Variants in DLG5 observed in about 807,000 individuals in gnomAD.
DLG5 encodes the protein disks large homolog 5.
DLG5 carries 48 observed loss-of-function variants against 189.8 expected under a neutral mutation model. The ratio of observed to expected loss-of-function variants is 0.25; its 90% CI spans 0.20 to 0.32. The LOEUF is 0.32. Ranked by LOEUF, DLG5 falls within the 10% of genes least tolerant of loss-of-function variation. DLG5 has a pLI of 1.00. For missense variants in DLG5, 2,160 were observed against 2,544.7 expected (o/e 0.85, Z 3.25); for synonymous variants, 1,016 against 1,054.1 (o/e 0.96, Z 0.70).
At chr10:77,843,182 G>A (rs776935982) in intron 6 of DLG5, among the ~76,000 whole-genome samples, 1 of 151,400 alleles carries the variant, frequency 6.6e-6, no homozygotes, top group Non-Finnish European at 1.5e-5. Flanking sequence ...CAGCAGACCC[G>A]AGATTTCTAC....
rs142216145 is a variant in DLG5, at chr10:77,906,160, C to T, written c.304+20057G>A. Among the ~76,000 whole-genome samples the T allele has an allele frequency of 3.5e-3, 534 of 152,330 alleles. 2 individuals are homozygous for T. Among genetic ancestry groups the T allele is most frequent in the South Asian group, 0.018 (89 of 4,830 alleles). On this transcript the variant is annotated intron_variant, in intron 1 of 31. Coordinates refer to ENST00000372391, the MANE Select transcript of DLG5 (RefSeq NM_004747.4). Reference sequence around the variant, plus strand: ...CATGAGAACCTGGGGAACTGACACCCATGGGAGGGGCTTCTGGGTCAGGGC... The same window carrying T: ...CATGAGAACCTGGGGAACTGACACCTATGGGAGGGGCTTCTGGGTCAGGGC...
At chr10:77,852,192 G>C (rs1187134319) in intron 5 of DLG5, among the ~76,000 whole-genome samples, 1 of 152,054 alleles carries the variant, frequency 6.6e-6, no homozygotes, top group African/African-American at 2.4e-5. Context: ...ACAACATGGT[G>C]AAACCCTCTC....
intron 1 of DLG5, among the ~76,000 whole-genome samples, chr10:77,876,708 AG>A (rs1564569706): frequency 1.6e-3 from 46 of 28,828 alleles, no homozygotes; most frequent in African/African-American, 3.7e-3. Context: ...GAAGGAAGGA[AG>A]GGAGGGAGGG....
At chr10:77,827,295 G>A (rs970900143) in intron 13 of DLG5, among the ~76,000 whole-genome samples, 18 of 152,018 alleles carry the variant, frequency 1.2e-4, no homozygotes, top group African/African-American at 4.3e-4. Context: ...GCGCGATCTC[G>A]GCTCACTGCA....
intron 13 of DLG5, 96 bp downstream of exon 13, chr10:77,828,786 A>G: frequency 8.4e-7 from 1 of 1,195,106 alleles, no homozygotes. Context: ...CAACAAGGAA[A>G]ATATAAAAAC....
Position 77,811,232 on chromosome 10 carries a change from G to T in DLG5, c.4325C>A (p.Ser1442Ter). Reference sequence around the variant, plus strand: ...GTGGGTACCGGCAGGGTCCAGGTGTGAGCTGGAGGCGGAGGACAGGAGGGA... The same window carrying T: ...GTGGGTACCGGCAGGGTCCAGGTGTTAGCTGGAGGCGGAGGACAGGAGGGA... ...HQLSSHSRSS[S>*]HLDPAGTHST... The change falls in exon 23 of 32, where the codon TCA becomes TAA. Residue 1442 changes from serine to a stop codon, truncating the protein, a stop_gained and splice_region_variant. Coordinates refer to ENST00000372391, the MANE Select transcript of DLG5 (RefSeq NM_004747.4). LOFTEE classifies it high-confidence loss of function. The T allele has an allele frequency of 6.2e-7, 1 of 1,612,718 alleles. No homozygotes were observed. Among genetic ancestry groups the T allele is most frequent in the Non-Finnish European group, 8.5e-7 (1 of 1,179,702 alleles).
intron 1 of DLG5, among the ~76,000 whole-genome samples, chr10:77,902,481 G>GA (rs1441987226): frequency 1.3e-5 from 2 of 152,278 alleles, no homozygotes; most frequent in Middle Eastern, 3.4e-3. Context: ...TGTAAGTACA[G>GA]AAAAAATGGG....
At position 77,805,727 on chromosome 10, in the gene DLG5, T is replaced by C. The variant is rs1041124203; in HGVS notation, c.5102A>G (p.Lys1701Arg). The C allele has an allele frequency of 6.2e-7, 1 of 1,614,056 alleles. No individual in the cohort carries two copies. Reference protein sequence around the residue: ...RKHKHKRSGSKDGKDLLALDA... With the variant: ...RKHKHKRSGSRDGKDLLALDA... ...CAAGGCGAGCAGGTCTTTCCCGTCC[T>C]TGGACCCGCTGCGTTTGTGCTTGTG... The change falls in exon 27 of 32, where the codon AAG (lysine) becomes AGG (arginine). Residue 1701 changes from lysine (K) to arginine (R), a missense_variant. Coordinates refer to ENST00000372391, the MANE Select transcript of DLG5 (RefSeq NM_004747.4).
chr10:77,912,079 T>C (rs754117095), intron 1 of DLG5, among the ~76,000 whole-genome samples: 8 of 151,076 alleles, frequency 5.3e-5, no homozygotes, highest in Non-Finnish European at 1.0e-4. Flanking sequence ...TGGGTACCTG[T>C]TGTCCTAGCT....
rs764143250 is a variant in DLG5 at position 77,817,112 on chromosome 10, G to A, written c.3785-16C>T. The A allele has an allele frequency of 2.2e-5, 35 of 1,613,298 alleles. No individual in the cohort carries two copies. Among genetic ancestry groups the A allele is most frequent in the Non-Finnish European group, 2.9e-5 (34 of 1,179,294 alleles). On this transcript the variant is annotated splice_polypyrimidine_tract_variant and intron_variant, in intron 18 of 31. Transcript: ENST00000372391. Reference sequence around the variant, plus strand: ...CTCGAAGAACCTATTGTTCCATAAGGGAACAAAACTTCAGGCCTCATGGTT... The same window carrying A: ...CTCGAAGAACCTATTGTTCCATAAGAGAACAAAACTTCAGGCCTCATGGTT...
intron 22 of DLG5, 34 bp downstream of exon 22, chr10:77,811,890 C>G: frequency 6.3e-7 from 1 of 1,581,876 alleles, no homozygotes; most frequent in Middle Eastern, 2.1e-4. Context: ...CTCTCCACCC[C>G]CAGCCCAGAC....
rs552947467 is a variant in DLG5, at chr10:77,926,479, C to T, written c.42G>A (p.Gln14=). 3.4e-4 allele frequency: 501 copies of T among 1,469,776 alleles called. No homozygotes were observed. The highest frequency in any genetic ancestry group is 4.4e-4 in the Non-Finnish European group (488 of 1,106,788). The allele number at this position is 1,469,776 out of a possible 1,614,324, so 91.0% of individuals were successfully genotyped here. A position where few individuals can be genotyped will look rare whatever the true frequency, so the allele number is the denominator to read the frequency against. ...CCTCCGTCATGGCCTGGGCCAGGCT[C>T]TGCTGACACTGGGCGAGCAGCTCCC... is the stretch of plus-strand genomic sequence containing the variant. ...QRRELLAQCQ[Q]SLAQAMTEVE... Residue 14 remains glutamine (Q), a synonymous_variant, in exon 1 of 32, where the codon CAG becomes CAA. Transcript: ENST00000372391. This position sits in a 1 kb window ranked among gnomAD's most constrained non-coding sequence, Gnocchi z 5.2.
chr10:77,886,194 A>G (rs1048072638), intron 1 of DLG5, among the ~76,000 whole-genome samples: 1 of 152,158 alleles, frequency 6.6e-6, no homozygotes, highest in African/African-American at 2.4e-5. Context: ...CCAGCATTCC[A>G]GGCTTTTAAG....
rs779624382 is a variant in DLG5, at chr10:77,807,962, G to C, written c.4648-18C>G. ...CTGCCATACTGCCAGGGATGGGGGT[G>C]GATGCATCAGAAGGCAGAAGCCAGG... is the stretch of plus-strand genomic sequence containing the variant. On this transcript the variant is annotated intron_variant, in intron 24 of 31. Coordinates refer to ENST00000372391, the MANE Select transcript of DLG5 (RefSeq NM_004747.4). The C allele has an allele frequency of 6.2e-7, 1 of 1,613,714 alleles. No homozygotes were observed. The highest frequency in any genetic ancestry group is 8.5e-7 in the Non-Finnish European group (1 of 1,179,882).
In DLG5 at chr10:77,830,721, A is replaced by C. The variant is rs1200043793; in HGVS notation, c.1881+20T>G. The C allele has an allele frequency of 6.2e-7, 1 of 1,612,776 alleles. No individual in the cohort carries two copies. Among genetic ancestry groups the C allele is most frequent in the Admixed American group, 1.7e-5 (1 of 60,002 alleles). ...TTCATCCATCAGAGAAGGAGAGAAGAACCATCAGAGGCAGCTTACCGTCTC... is the reference window on the plus strand; with the variant it reads ...TTCATCCATCAGAGAAGGAGAGAAGCACCATCAGAGGCAGCTTACCGTCTC... On this transcript the variant is annotated intron_variant, in intron 10 of 31. Coordinates refer to ENST00000372391, the MANE Select transcript of DLG5 (RefSeq NM_004747.4).
intron 20 of DLG5, chr10:77,816,275 G>A: frequency 3.0e-6 from 2 of 672,674 alleles, no homozygotes; most frequent in Non-Finnish European, 5.5e-6. Context: ...GGCCCAGGAA[G>A]GTGTAAATGG....
In DLG5 at chr10:77,912,517, G is replaced by A. The variant is rs529517593; in HGVS notation, c.304+13700C>T. On this transcript the variant is annotated intron_variant, in intron 1 of 31. Coordinates refer to ENST00000372391, the MANE Select transcript of DLG5 (RefSeq NM_004747.4). Reference sequence around the variant, plus strand: ...CCCTCCTCAGCCTCCCAAGTAGCTAGGACTACAGGAACATGCCAGCATGCC... The same window carrying A: ...CCCTCCTCAGCCTCCCAAGTAGCTAAGACTACAGGAACATGCCAGCATGCC... 11 of 152,124 alleles carry A rather than the reference G, an allele frequency of 7.2e-5. No homozygotes were observed. The East Asian group carries it at 2.1e-3, about 29-fold the overall frequency. The allele number at this position is 152,124 out of a possible 1,614,324, so 9.4% of individuals were successfully genotyped here.
intron 11 of DLG5, among the ~76,000 whole-genome samples, chr10:77,830,000 T>G (rs1842825347): frequency 6.6e-6 from 1 of 152,294 alleles, no homozygotes; most frequent in Non-Finnish European, 1.5e-5. Context: ...CAAAAGACAG[T>G]ACCTGGTAAC....
chr10:77,906,086 C>T (rs1846063304), intron 1 of DLG5, among the ~76,000 whole-genome samples: 1 of 152,222 alleles, frequency 6.6e-6, no homozygotes, highest in South Asian at 2.1e-4. Flanking sequence ...TACCTCACCA[C>T]CACAAACAAC....
Sources: allele counts gnomAD v4.1 joint callset (sites outside exome capture counted in the v4.1 genomes callset), GRCh38; gene constraint gnomAD v4.1.1; non-coding constraint Gnocchi (gnomAD v3.1); transcripts MANE v1.5; gene names NCBI Gene and HGNC (gene_info 2026-07-23, HGNC 2026-07-21).